CCDC171: variants seen among roughly 807,000 people sequenced by gnomAD.
CCDC171 encodes the protein coiled-coil domain containing 171.
A neutral mutation model predicts 168.2 loss-of-function variants in CCDC171; 177 were observed. The observed-to-expected ratio is 1.05, with a 90% CI of 0.93 to 1.19. The LOEUF (loss-of-function observed/expected upper bound fraction) is 1.19. Among genes scored for constraint, CCDC171 ranks in the 50% most tolerant of loss-of-function variants. The pLI, the probability that CCDC171 is intolerant of heterozygous loss-of-function variation, is 0.00. For missense variants in CCDC171, 1,991 were observed against 1,539.0 expected, an observed-to-expected ratio of 1.29 and a Z score of -4.91; for synonymous variants, 687 against 540.8, an observed-to-expected ratio of 1.27 and a Z score of -3.75.
intron 22 of CCDC171, among the ~76,000 whole-genome samples, chr9:15,848,118 C>G (rs920030745): frequency 6.6e-6 from 1 of 151,856 alleles, no homozygotes; most frequent in African/African-American, 2.4e-5. Context: ...CTTATAAGAC[C>G]TCCAGATTCA....
chr9:15,899,172 A>T (rs574411676), intron 24 of CCDC171, among the ~76,000 whole-genome samples: 1 of 152,120 alleles, frequency 6.6e-6, no homozygotes, highest in Non-Finnish European at 1.5e-5. Flanking sequence ...GTCAATATTG[A>T]TTAATAGTTT....
intron 6 of CCDC171, among the ~76,000 whole-genome samples, chr9:15,620,936 AT>A (rs112363002): frequency 0.07 from 10,356 of 147,602 alleles, 454 homozygotes; most frequent in Non-Finnish European, 0.1. Flanking sequence ...GATGGTTAGC[AT>A]TTTTTTTTTT....
At chr9:16,057,186 G>A (rs1833854519) in intron 1 of CCDC171, among the ~76,000 whole-genome samples, 1 of 152,112 alleles carries the variant, frequency 6.6e-6, no homozygotes, top group Non-Finnish European at 1.5e-5. Context: ...AATGTTTTTT[G>A]AGGTGGGAGC....
At chr9:15,897,582 A>G (rs1821077943) in intron 24 of CCDC171, among the ~76,000 whole-genome samples, 1 of 152,158 alleles carries the variant, frequency 6.6e-6, no homozygotes, top group African/African-American at 2.4e-5. Flanking sequence ...TGTAGCTCAG[A>G]GTCAATGCAG....
At chr9:15,740,613 T>G (rs1010900691) in intron 16 of CCDC171, among the ~76,000 whole-genome samples, 1 of 152,150 alleles carries the variant, frequency 6.6e-6, no homozygotes, top group African/African-American at 2.4e-5. Flanking sequence ...TGTTTTTTTG[T>G]ATTTTAAGTA....
chr9:15,749,187 A>G (rs916856360), intron 18 of CCDC171, among the ~76,000 whole-genome samples: 3 of 152,096 alleles, frequency 2.0e-5, no homozygotes, highest in African/African-American at 7.2e-5. Context: ...CTCTGATACA[A>G]CAGACTTTAA....
chr9:15,574,207 C>A (rs961228128), intron 3 of CCDC171, among the ~76,000 whole-genome samples: 1 of 151,334 alleles, frequency 6.6e-6, no homozygotes, highest in African/African-American at 2.4e-5. Context: ...TACAGTGGTG[C>A]TATCTTGGCT....
intron 23 of CCDC171, among the ~76,000 whole-genome samples, chr9:15,855,916 G>T (rs2061333737): frequency 6.6e-6 from 1 of 151,776 alleles, no homozygotes; most frequent in South Asian, 2.1e-4. Flanking sequence ...TTATATAGTT[G>T]TCTTTTAAAT....
At position 15,971,616 on chromosome 9, in the gene CCDC171, C is replaced by G; in HGVS notation, c.3761C>G (p.Ser1254Ter). 1 of 1,610,938 alleles carries G rather than the reference C, an allele frequency of 6.2e-7. No homozygotes were observed. Among genetic ancestry groups the G allele is most frequent in the Non-Finnish European group, 8.5e-7 (1 of 1,177,952 alleles). ...RENASLQSIG[S>*]RDHSNLSIPS... Reference sequence around the variant, plus strand: ...TTCTTTTGTATGTCACAGATAGGATCACGAGACCATTCAAATCTCTCCATT... The same window carrying G: ...TTCTTTTGTATGTCACAGATAGGATGACGAGACCATTCAAATCTCTCCATT... The change falls in exon 26 of 26, where the codon TCA becomes TGA. Residue 1254 changes from serine to a stop codon, truncating the protein, a stop_gained. Transcript: ENST00000380701. LOFTEE classifies it high-confidence loss of function.
intron 16 of CCDC171, among the ~76,000 whole-genome samples, chr9:15,740,780 C>T (rs1397779175): frequency 1.3e-5 from 2 of 152,084 alleles, no homozygotes; most frequent in Non-Finnish European, 2.9e-5. Context: ...TGTGGTGGGG[C>T]TGTTCCCCTC....
intron 6 of CCDC171, among the ~76,000 whole-genome samples, chr9:15,603,478 C>G (rs979836743): frequency 6.6e-6 from 1 of 152,164 alleles, no homozygotes; most frequent in African/African-American, 2.4e-5. Flanking sequence ...TTGTTCAGTT[C>G]CCACTTACAA....
At chr9:15,696,875 T>G (rs2051258480) in intron 11 of CCDC171, among the ~76,000 whole-genome samples, 1 of 152,240 alleles carries the variant, frequency 6.6e-6, no homozygotes, top group Admixed American at 6.5e-5. Context: ...AGATGCATAC[T>G]TTGTGTATTC....
chr9:15,802,420 C>T (rs569229268), intron 21 of CCDC171, among the ~76,000 whole-genome samples: 2 of 152,132 alleles, frequency 1.3e-5, no homozygotes, highest in South Asian at 4.1e-4. Context: ...CAGCCTGCAT[C>T]CTCTGATAGA....
At chr9:16,096,613 G>A in the CCDC171 span, among the ~76,000 whole-genome samples, 17 of 152,312 alleles carry the variant, frequency 1.1e-4, no homozygotes, top group South Asian at 3.3e-3. Context: ...ATGGAAGGGA[G>A]GGAGAAGAGA....
chr9:15,568,323 T>G (rs1008362516), intron 2 of CCDC171, among the ~76,000 whole-genome samples: 1 of 147,016 alleles, frequency 6.8e-6, no homozygotes, highest in Non-Finnish European at 1.5e-5. Flanking sequence ...CAGGCTGGAG[T>G]GCAGTGGCGC....
chr9:16,025,143 A>G (rs1833250656), intron 6 of CCDC171, among the ~76,000 whole-genome samples: 1 of 152,212 alleles, frequency 6.6e-6, no homozygotes, highest in Non-Finnish European at 1.5e-5. Flanking sequence ...ATATGTCCAC[A>G]TAAAAACTTG....
At chr9:15,770,536 A>C (rs773245938) in intron 18 of CCDC171, among the ~76,000 whole-genome samples, 8 of 152,138 alleles carry the variant, frequency 5.3e-5, no homozygotes, top group Non-Finnish European at 1.0e-4. Context: ...CAGAAGTATC[A>C]TTTGTCTAAA....
At chr9:15,826,879 A>T (rs1011599302) in intron 21 of CCDC171, among the ~76,000 whole-genome samples, 2 of 152,238 alleles carry the variant, frequency 1.3e-5, no homozygotes, top group African/African-American at 4.8e-5. Flanking sequence ...TGTCGTATGT[A>T]ACCCTGGAAC....
chr9:16,000,907 A>G (rs997543264), intron 3 of CCDC171, among the ~76,000 whole-genome samples: 3 of 152,094 alleles, frequency 2.0e-5, no homozygotes, highest in Non-Finnish European at 2.9e-5. Flanking sequence ...ACAGCCTTTG[A>G]TGGGGGAGGA....
Sources: gnomAD v4.1 joint callset for allele counts (sites outside exome capture counted in the v4.1 genomes callset) on GRCh38, gnomAD v4.1.1 for gene constraint, MANE v1.5 for transcripts, NCBI Gene and HGNC (gene_info 2026-07-23, HGNC 2026-07-21) for gene names.